Variants in LRP1B observed in about 807,000 individuals in gnomAD.
The protein encoded by LRP1B is LDL receptor related protein 1B.
In LRP1B, 217 loss-of-function variants were observed where a neutral mutation model predicts 556.6. The ratio of observed to expected loss-of-function variants is 0.39; its 90% CI spans 0.35 to 0.44. The LOEUF is 0.44. Ranked by LOEUF, LRP1B falls within the 20% of genes least tolerant of loss-of-function variation. LRP1B has a pLI of 1.00. For synonymous variants in LRP1B, 2,047 were observed against 1,865.8 expected (o/e 1.10, Z -2.50); for missense variants, 5,053 against 5,620.8 (o/e 0.90, Z 3.23).
intron 20 of LRP1B, among the ~76,000 whole-genome samples, chr2:140,927,437 A>C (rs1453900316): frequency 6.6e-6 from 1 of 152,180 alleles, no homozygotes; most frequent in Non-Finnish European, 1.5e-5. Context: ...GAGTCTGCTC[A>C]GTTTTATGAT....
chr2:141,387,690 A>C (rs1689881168), intron 3 of LRP1B, among the ~76,000 whole-genome samples: 1 of 152,146 alleles, frequency 6.6e-6, no homozygotes, highest in Admixed American at 6.5e-5. Context: ...CCAACATTGA[A>C]AAGGTCAAGA....
intron 51 of LRP1B, among the ~76,000 whole-genome samples, chr2:140,511,526 A>C (rs1002903247): frequency 6.6e-6 from 1 of 151,870 alleles, no homozygotes; most frequent in African/African-American, 2.4e-5. Flanking sequence ...TGGTCTCAAT[A>C]TCCTGACCTC....
chr2:141,108,680 G>C (rs1700673320), intron 7 of LRP1B, among the ~76,000 whole-genome samples: 1 of 151,942 alleles, frequency 6.6e-6, no homozygotes, highest in Admixed American at 6.6e-5. Context: ...AACATATTTA[G>C]ACATAAGTGA....
intron 1 of LRP1B, among the ~76,000 whole-genome samples, chr2:142,029,982 T>C (rs930895117): frequency 1.3e-5 from 2 of 151,708 alleles, no homozygotes; most frequent in Non-Finnish European, 2.9e-5. Context: ...TTTCTATCCA[T>C]TTTTCACTCT....
Position 140,541,871 on chromosome 2 carries a change from T to C in LRP1B, c.7295A>G (p.Asn2432Ser), listed in dbSNP as rs751161908. The C allele has an allele frequency of 8.1e-6, 13 of 1,612,956 alleles. No homozygotes were observed. The Admixed American group carries it at 1.5e-4, about 19-fold the overall frequency. Residue 2432 changes from asparagine (N) to serine (S), a missense_variant, in exon 44 of 91, where the codon AAC becomes AGC. Physicochemically the swap from Asn to Ser is conservative, Grantham distance 46. Around this residue, in one of 5 missense-constraint regions of LRP1B, gnomAD observed 3,619 missense variants for 3,931.9 expected, o/e 0.92. Coordinates refer to ENST00000389484, the MANE Select transcript of LRP1B (RefSeq NM_018557.3). ...TTTTGTATCTCCTCCTGTGTACTTG[T>C]TGGACCGCAGTATAGCTCTTCTTCC... is the stretch of plus-strand genomic sequence containing the variant. ...DWGRRAILRS[N>S]KYTGGDTKIL... is the part of the protein sequence containing the mutation.
chr2:140,690,210 C>T (rs951235371), intron 41 of LRP1B, among the ~76,000 whole-genome samples: 1 of 151,722 alleles, frequency 6.6e-6, no homozygotes, highest in Non-Finnish European at 1.5e-5. Context: ...ACAAAATAAC[C>T]ATTATCTTCC....
intron 1 of LRP1B, among the ~76,000 whole-genome samples, chr2:142,096,633 TAC>T (rs1424699989): frequency 6.6e-6 from 1 of 151,708 alleles, no homozygotes; most frequent in Non-Finnish European, 1.5e-5. Flanking sequence ...TTATCTCATT[TAC>T]ACATAAGTTT....
At chr2:140,273,575 A>C (rs547427133) in intron 85 of LRP1B, among the ~76,000 whole-genome samples, 3 of 152,056 alleles carry the variant, frequency 2.0e-5, no homozygotes, top group Non-Finnish European at 4.4e-5. Context: ...AACATAACTC[A>C]TTCGGCACCC....
At chr2:140,877,968 A>T (rs1391478165) in intron 25 of LRP1B, among the ~76,000 whole-genome samples, 1 of 152,210 alleles carries the variant, frequency 6.6e-6, no homozygotes, top group African/African-American at 2.4e-5. Context: ...AGTTCTATGT[A>T]TATGGCTTTA....
At chr2:140,358,780 T>G in intron 73 of LRP1B, 41 bp downstream of exon 73, 1 of 1,597,036 alleles carries the variant, frequency 6.3e-7, no homozygotes, top group Non-Finnish European at 8.6e-7. Flanking sequence ...TCAGAGAACC[T>G]CATAGCCATC....
Position 140,300,038 on chromosome 2 carries a change from C to T in LRP1B, c.12806-2069G>A, listed in dbSNP as rs200359573. On this transcript the variant is annotated intron_variant, in intron 83 of 90. Transcript: ENST00000389484. Reference sequence around the variant, plus strand: ...GTACCTGCTGAGGTACTTGAAAATTCTTCTATCCCCATCACTCAAAGAAAT... The same window carrying T: ...GTACCTGCTGAGGTACTTGAAAATTTTTCTATCCCCATCACTCAAAGAAAT... 1.1e-4 allele frequency among the ~76,000 whole-genome samples: 16 copies of T among 152,076 alleles called. No homozygotes were observed. The East Asian group carries it at 2.7e-3, about 26-fold the overall frequency.
intron 86 of LRP1B, among the ~76,000 whole-genome samples, chr2:140,249,469 C>T (rs905751515): frequency 1.3e-5 from 2 of 151,568 alleles, no homozygotes; most frequent in Non-Finnish European, 3.0e-5. Flanking sequence ...ATAATCCTCT[C>T]CTCTTTTAAA....
intron 2 of LRP1B, among the ~76,000 whole-genome samples, chr2:141,699,152 A>G (rs1481654932): frequency 6.6e-6 from 1 of 151,768 alleles, no homozygotes; most frequent in African/African-American, 2.4e-5. Context: ...TAAAAAACCC[A>G]ATATTTCCCA....
chr2:141,510,977 A>G lies in LRP1B; in HGVS notation c.206-30444T>C, dbSNP rs967507773. 6.9e-4 allele frequency among the ~76,000 whole-genome samples: 105 copies of G among 152,008 alleles called. 1 individual carries two copies. The highest frequency in any genetic ancestry group is 2.5e-4 in the Non-Finnish European group (17 of 67,946). The stretch of plus-strand genomic sequence containing the variant: ...TTAAATTTAAGATAGAGAGTGGAGA[A>G]TAGAGTCTAGTACTCATTAGACCCT... On this transcript the variant is annotated intron_variant, in intron 2 of 90. Coordinates refer to ENST00000389484, the MANE Select transcript of LRP1B (RefSeq NM_018557.3).
chr2:141,072,006 T>A (rs1034996839), intron 7 of LRP1B, among the ~76,000 whole-genome samples: 1 of 152,068 alleles, frequency 6.6e-6, no homozygotes, highest in African/African-American at 2.4e-5. Flanking sequence ...AAAACTACTT[T>A]AAAGTTCATA....
In LRP1B at chr2:140,264,722, GTGTGTGTGTGTGTGTGTGTA is replaced by G. The variant is rs1682117173; in HGVS notation, c.13247+5500_13247+5519del. 1.4e-5 allele frequency among the ~76,000 whole-genome samples: 2 copies of G among 147,732 alleles called. 1 individual carries two copies. The highest frequency in any genetic ancestry group is 4.2e-4 in the South Asian group (2 of 4,736). ...TATATATGTGTGTGTGTGTGTGTGT[GTGTGTGTGTGTGTGTGTGTA>G]TATAATTTTCCCACTGAAATTTAAT... On this transcript the variant is annotated intron_variant, in intron 86 of 90. Transcript: ENST00000389484.
chr2:140,737,705 G>T (rs1340761445), intron 35 of LRP1B, among the ~76,000 whole-genome samples: 1 of 152,184 alleles, frequency 6.6e-6, no homozygotes, highest in Non-Finnish European at 1.5e-5. Flanking sequence ...AGGAGCATGG[G>T]GGTGGATAGA....
chr2:141,934,229 T>TA (rs1356989876), intron 1 of LRP1B, among the ~76,000 whole-genome samples: 2 of 151,808 alleles, frequency 1.3e-5, no homozygotes, highest in Admixed American at 6.6e-5. Context: ...TAGAGTCTAG[T>TA]AAAAAAATAG....
At chr2:141,235,027 A>T (rs1452745302) in intron 5 of LRP1B, among the ~76,000 whole-genome samples, 7 of 152,262 alleles carry the variant, frequency 4.6e-5, no homozygotes, top group African/African-American at 1.2e-4. Flanking sequence ...AAAATGAATA[A>T]TATTCAGAAT....
Sources: gnomAD v4.1 joint callset for allele counts (sites outside exome capture counted in the v4.1 genomes callset) on GRCh38, gnomAD v4.1.1 for gene constraint, gnomAD v4.1.1 regional missense constraint, MANE v1.5 for transcripts, NCBI Gene and HGNC (gene_info 2026-07-23, HGNC 2026-07-21) for gene names.